The following DLGAP4 variants were observed in gnomAD, a reference collection of about 807,000 sequenced individuals.
DLGAP4 encodes DLG associated protein 4, also known as disks large-associated protein 4.
Under a neutral mutation model 86.9 loss-of-function variants are expected in DLGAP4, and 18 were observed. The observed-to-expected ratio is 0.21, with a 90% confidence interval of 0.14 to 0.31. The LOEUF (loss-of-function observed/expected upper bound fraction) is 0.31, where lower values mean the gene tolerates loss of function less well. Ranked by LOEUF, DLGAP4 falls within the 10% of genes least tolerant of loss-of-function variation. DLGAP4 has a pLI of 1.00. For synonymous variants in DLGAP4, 548 were observed against 574.3 expected (o/e 0.95, Z 0.65); for missense variants, 1,085 against 1,362.6 (o/e 0.80, Z 3.21).
intron 3 of DLGAP4, among the ~76,000 whole-genome samples, chr20:36,434,426 A>T (rs2033214221): frequency 6.6e-6 from 1 of 152,168 alleles, no homozygotes; most frequent in Admixed American, 6.6e-5. Context: ...TTGGTTTAGA[A>T]GCATTAGGGA....
chr20:36,319,556 G>A lies in DLGAP4; in HGVS notation c.-304+13044G>A, dbSNP rs549324789. ...CAGAAGGGCCAGCCTGGGAAAGTGG[G>A]CCAAGGGTGAGCACTATGGGCAGAG... On this transcript the variant is annotated intron_variant, in intron 1 of 12. Transcript: ENST00000339266. Among the ~76,000 whole-genome samples, 4 of 152,312 alleles carry A rather than the reference G, an allele frequency of 2.6e-5. No homozygotes were observed. The East Asian group carries it at 7.7e-4, about 29-fold the overall frequency.
chr20:36,502,428 C>G (rs1307623948), intron 10 of DLGAP4, among the ~76,000 whole-genome samples: 1 of 152,210 alleles, frequency 6.6e-6, no homozygotes, highest in Non-Finnish European at 1.5e-5. Flanking sequence ...TAGCTCACTG[C>G]AGCCTCAAAC....
At chr20:36,361,936 G>A (rs1054291023) in intron 1 of DLGAP4, among the ~76,000 whole-genome samples, 5 of 142,898 alleles carry the variant, frequency 3.5e-5, no homozygotes, top group Admixed American at 7.4e-5. Flanking sequence ...CCAAGATTGC[G>A]CCACTGCACT....
chr20:36,418,834 A>G (rs2032740617), intron 2 of DLGAP4, among the ~76,000 whole-genome samples: 1 of 72,168 alleles, frequency 1.4e-5, no homozygotes, highest in Non-Finnish European at 3.1e-5. Context: ...CCAAACAACT[A>G]GTTGAATATC....
chr20:36,525,216 CAAAAAAAAAAAAAAAAAAAAA>C (rs1159616185), intron 11 of DLGAP4, among the ~76,000 whole-genome samples: 422 of 28,496 alleles, frequency 0.015, 11 homozygotes, highest in African/African-American at 0.041. Flanking sequence ...GACTCCGTCT[CAAAAAAAAAAAAAAAAAAAAA>C]AAAAAAAAAA....
At position 36,499,606 on chromosome 20, in the gene DLGAP4, G is replaced by T; in HGVS notation, c.2029G>T (p.Val677Leu). Residue 677 changes from valine (V) to leucine (L), a missense_variant, in exon 9 of 13, where the codon GTG (valine) becomes TTG (leucine). Val to Leu is a conservative substitution (Grantham distance 32). Transcript: ENST00000339266. ...IGIQVDCIQP[V>L]PKEEPSPATK... ...CAATAAGGTTGACTGCATTCAGCCA[G>T]TGCCAAAAGAGGAGCCCAGTCCCGC... The T allele has an allele frequency of 6.2e-7, 1 of 1,614,060 alleles. No individual in the cohort carries two copies. The highest frequency in any genetic ancestry group is 1.7e-5 in the Admixed American group (1 of 60,000).
chr20:36,449,440 C>T (rs185405375), intron 7 of DLGAP4, among the ~76,000 whole-genome samples: 30 of 152,284 alleles, frequency 2.0e-4, no homozygotes, highest in Non-Finnish European at 3.7e-4. Context: ...CAGACTGGCC[C>T]GCTACAGCCT....
chr20:36,352,489 A>G (rs1308502492), intron 1 of DLGAP4, among the ~76,000 whole-genome samples: 1 of 151,656 alleles, frequency 6.6e-6, no homozygotes, highest in Non-Finnish European at 1.5e-5. Context: ...GATTCTAGAG[A>G]TGTTTTGAAG....
chr20:36,523,953 A>ACG (rs2096211178), intron 10 of DLGAP4, among the ~76,000 whole-genome samples: 1 of 152,194 alleles, frequency 6.6e-6, no homozygotes, highest in South Asian at 2.1e-4. Context: ...GAGCCACTGT[A>ACG]CGCAGCCTCT....
chr20:36,514,283 A>G (rs1286847709), intron 10 of DLGAP4, among the ~76,000 whole-genome samples: 1 of 152,198 alleles, frequency 6.6e-6, no homozygotes, highest in Non-Finnish European at 1.5e-5. Context: ...TGGGTAAGGT[A>G]GCCTGAGAGG....
chr20:36,412,600 C>T (rs1034193613), intron 2 of DLGAP4, among the ~76,000 whole-genome samples: 6 of 152,158 alleles, frequency 3.9e-5, no homozygotes, highest in African/African-American at 7.2e-5. Flanking sequence ...TTCTATAGAA[C>T]GGGACCAACA....
At chr20:36,448,336 C>A (rs2033654104) in intron 7 of DLGAP4, among the ~76,000 whole-genome samples, 1 of 152,196 alleles carries the variant, frequency 6.6e-6, no homozygotes, top group Non-Finnish European at 1.5e-5. Context: ...GGAGACAGAC[C>A]AAGACCTTGT....
At chr20:36,377,213 G>A (rs2031190753) in intron 2 of DLGAP4, among the ~76,000 whole-genome samples, 1 of 152,210 alleles carries the variant, frequency 6.6e-6, no homozygotes, top group Admixed American at 6.5e-5. Flanking sequence ...AGATGGGCTA[G>A]CTTGGGTGAT....
chr20:36,368,806 A>G (rs1454011020), intron 2 of DLGAP4, among the ~76,000 whole-genome samples: 3 of 152,256 alleles, frequency 2.0e-5, no homozygotes, highest in Non-Finnish European at 4.4e-5. Flanking sequence ...TTGGCATCGC[A>G]CTAAATGCTT....
At chr20:36,330,891 T>C (rs1020796448) in intron 1 of DLGAP4, among the ~76,000 whole-genome samples, 42 of 152,192 alleles carry the variant, frequency 2.8e-4, no homozygotes, top group Admixed American at 2.4e-3. Flanking sequence ...AGTTTTTATT[T>C]TGAGTTTTTA....
At chr20:36,511,800 G>C (rs139900200) in intron 10 of DLGAP4, among the ~76,000 whole-genome samples, 3 of 150,446 alleles carry the variant, frequency 2.0e-5, no homozygotes, top group South Asian at 4.2e-4. Flanking sequence ...ACTTGAACCC[G>C]GGAGGTGGAG....
At chr20:36,445,428 C>T (rs112709053) in intron 6 of DLGAP4, among the ~76,000 whole-genome samples, 6 of 152,194 alleles carry the variant, frequency 3.9e-5, no homozygotes, top group African/African-American at 7.2e-5. Flanking sequence ...TGCTTGAACC[C>T]GGGAGGCGGA....
intron 1 of DLGAP4, among the ~76,000 whole-genome samples, chr20:36,338,824 C>A (rs2065348008): frequency 6.6e-6 from 1 of 152,204 alleles, no homozygotes; most frequent in African/African-American, 2.4e-5. Flanking sequence ...TTGAGCTAAA[C>A]CCTGAGGAAG....
intron 7 of DLGAP4, chr20:36,461,619 C>T (rs1345038633): frequency 6.4e-6 from 6 of 939,274 alleles, no homozygotes; most frequent in Non-Finnish European, 3.8e-6. Flanking sequence ...CGCCCAGCGC[C>T]GCCCGGAGCA....
Sources: allele counts gnomAD v4.1 joint callset (sites outside exome capture counted in the v4.1 genomes callset), GRCh38; gene constraint gnomAD v4.1.1; transcripts MANE v1.5; gene names NCBI Gene and HGNC (gene_info 2026-07-23, HGNC 2026-07-21).